Variants in GNAQ observed in about 807,000 individuals in gnomAD.
GNAQ encodes the protein G protein subunit alpha q, also known as guanine nucleotide-binding protein G(q) subunit alpha.
Under a neutral mutation model 43.9 loss-of-function variants are expected in GNAQ, and 8 were observed. The observed-to-expected ratio is 0.18, with a 90% CI of 0.11 to 0.33. The LOEUF is 0.33. Ranked by LOEUF, GNAQ falls within the 10% of genes least tolerant of loss-of-function variation. The pLI, the probability that GNAQ is intolerant of heterozygous loss-of-function variation, is 1.00. For synonymous variants in GNAQ, 155 were observed against 170.7 expected, an observed-to-expected ratio of 0.91 and a Z score of 0.71; for missense variants, 158 against 450.8, an observed-to-expected ratio of 0.35 and a Z score of 5.88.
chr9:77,957,150 A>C (rs1038660370), intron 1 of GNAQ, among the ~76,000 whole-genome samples: 138 of 152,188 alleles, frequency 9.1e-4, no homozygotes, highest in African/African-American at 3.2e-3. Flanking sequence ...GAGGTCAGAA[A>C]TTCGAGACCA....
At chr9:77,867,870 CT>C (rs145605860) in intron 2 of GNAQ, among the ~76,000 whole-genome samples, 2,578 of 152,264 alleles carry the variant, frequency 0.017, 65 homozygotes, top group African/African-American at 0.059. Flanking sequence ...AGGAATAAAG[CT>C]TTTCAAAGGC....
chr9:77,980,947 T>A (rs1240342272), intron 1 of GNAQ, among the ~76,000 whole-genome samples: 1 of 152,226 alleles, frequency 6.6e-6, no homozygotes, highest in African/African-American at 2.4e-5. Context: ...ATTGCTTTCA[T>A]CTGCTTAATC....
intron 1 of GNAQ, among the ~76,000 whole-genome samples, chr9:77,976,716 T>C (rs891151385): frequency 1.3e-5 from 2 of 150,598 alleles, no homozygotes; most frequent in African/African-American, 4.8e-5. Flanking sequence ...TTCTAGACAA[T>C]AGTTTTAAGC....
intron 6 of GNAQ, among the ~76,000 whole-genome samples, chr9:77,722,850 C>T (rs559561965): frequency 1.4e-4 from 22 of 151,912 alleles, no homozygotes; most frequent in Non-Finnish European, 2.4e-4. Context: ...ATGGGGGTAT[C>T]ACTATGTTGT....
chr9:77,761,103 C>A (rs1242203356), intron 5 of GNAQ, among the ~76,000 whole-genome samples: 1 of 152,052 alleles, frequency 6.6e-6, no homozygotes, highest in East Asian at 1.9e-4. Context: ...GCCGCCCTGT[C>A]CAGGAGGGAG....
At chr9:78,008,271 T>C (rs1160532283) in intron 1 of GNAQ, among the ~76,000 whole-genome samples, 2 of 152,202 alleles carry the variant, frequency 1.3e-5, no homozygotes, top group Admixed American at 6.5e-5. Flanking sequence ...AAAAAGGCAA[T>C]ATCCTGACCA....
rs559447923 is a variant in GNAQ at position 78,030,942 on chromosome 9, G to C, written c.136+158C>G. ...GTGTCTGTGTGTAACGCGCCCGCGC[G>C]CCCGCGCGGGTGAAGGCAGTGGCCG... On this transcript the variant is annotated intron_variant, in intron 1 of 6. Transcript: ENST00000286548. 7.1e-3 allele frequency among the ~76,000 whole-genome samples: 1,072 copies of C among 151,556 alleles called. 6 individuals are homozygous for C. The highest frequency in any genetic ancestry group is 0.024 in the African/African-American group (1,007 of 41,374).
intron 2 of GNAQ, among the ~76,000 whole-genome samples, chr9:77,897,038 A>G (rs1828515669): frequency 6.6e-6 from 1 of 152,256 alleles, no homozygotes; most frequent in Admixed American, 6.5e-5. Context: ...AACACACTTA[A>G]GTCCCATTTG....
intron 2 of GNAQ, among the ~76,000 whole-genome samples, chr9:77,828,092 A>AAAAAAAAAAAAAAAAAAC: frequency 6.8e-6 from 1 of 146,500 alleles, no homozygotes; most frequent in Non-Finnish European, 1.5e-5. Flanking sequence ...AAAAAAAAAA[A>AAAAAAAAAAAAAAAAAAC]AGAAGGGGCA....
intron 5 of GNAQ, among the ~76,000 whole-genome samples, chr9:77,786,045 C>T (rs1451107539): frequency 2.0e-5 from 3 of 152,042 alleles, no homozygotes; most frequent in Non-Finnish European, 4.4e-5. Flanking sequence ...TGATACATGT[C>T]ACATGTGTCA....
intron 2 of GNAQ, among the ~76,000 whole-genome samples, chr9:77,881,268 G>C (rs1159684797): frequency 6.6e-6 from 1 of 152,216 alleles, no homozygotes; most frequent in Non-Finnish European, 1.5e-5. Flanking sequence ...CAACGGCAGA[G>C]AGCCATTGTC....
At chr9:77,995,519 G>T (rs1480572587) in intron 1 of GNAQ, among the ~76,000 whole-genome samples, 1 of 151,922 alleles carries the variant, frequency 6.6e-6, no homozygotes, top group African/African-American at 2.4e-5. Context: ...TTCCAGACAG[G>T]GTGTCATGTT....
At chr9:77,769,401 TAA>T (rs1272398551) in intron 5 of GNAQ, among the ~76,000 whole-genome samples, 28 of 136,146 alleles carry the variant, frequency 2.1e-4, no homozygotes, top group Admixed American at 3.7e-4. Context: ...AAGACTACCT[TAA>T]AAAAAAAAAA....
At chr9:77,899,151 T>C (rs140771844) in intron 2 of GNAQ, among the ~76,000 whole-genome samples, 820 of 152,156 alleles carry the variant, frequency 5.4e-3, no homozygotes, top group Non-Finnish European at 9.1e-3. Flanking sequence ...GGCTGGAGTG[T>C]TGTAGTGCAA....
At chr9:77,823,954 A>C (rs948043654) in intron 2 of GNAQ, among the ~76,000 whole-genome samples, 4 of 152,202 alleles carry the variant, frequency 2.6e-5, no homozygotes, top group African/African-American at 4.8e-5. Flanking sequence ...CACATTAAAA[A>C]ATTTTTCAAA....
At chr9:77,922,045 T>C (rs768635802) in intron 2 of GNAQ, 116 bp downstream of exon 2, 132 of 546,720 alleles carry the variant, frequency 2.4e-4, no homozygotes, top group Non-Finnish European at 4.2e-4. Context: ...ATGGAAAATG[T>C]ATATTTCCAA....
intron 1 of GNAQ, among the ~76,000 whole-genome samples, chr9:77,991,247 C>T (rs777197736): frequency 7.2e-5 from 11 of 152,194 alleles, no homozygotes; most frequent in Non-Finnish European, 1.5e-4. Context: ...GTGGTAACAT[C>T]GAACTAAACT....
At chr9:77,738,473 A>G (rs918348937) in intron 5 of GNAQ, among the ~76,000 whole-genome samples, 1 of 152,232 alleles carries the variant, frequency 6.6e-6, no homozygotes, top group Non-Finnish European at 1.5e-5. Flanking sequence ...CACTTTAAAA[A>G]TAACAGTAGG....
chr9:77,890,081 T>A (rs913113000), intron 2 of GNAQ, among the ~76,000 whole-genome samples: 1 of 152,250 alleles, frequency 6.6e-6, no homozygotes, highest in Non-Finnish European at 1.5e-5. Flanking sequence ...AGTTTTCTAC[T>A]TTATTCTTTA....
Sources: gnomAD v4.1 joint callset for allele counts (sites outside exome capture counted in the v4.1 genomes callset) on GRCh38, gnomAD v4.1.1 for gene constraint, MANE v1.5 for transcripts, NCBI Gene and HGNC (gene_info 2026-07-23, HGNC 2026-07-21) for gene names.